The following FMR1 variants were observed in gnomAD, a reference collection of about 807,000 sequenced individuals.
The protein encoded by FMR1 is fragile X messenger ribonucleoprotein 1.
In FMR1, 13 loss-of-function variants were observed where a neutral mutation model predicts 50.6. The observed-to-expected ratio is 0.26, with a 90% confidence interval of 0.17 to 0.41. The LOEUF (loss-of-function observed/expected upper bound fraction) is 0.41. Among genes scored for constraint, FMR1 ranks in the 10% least tolerant of loss-of-function variants. The pLI is 1.00. For missense variants in FMR1, 316 were observed against 491.3 expected (o/e 0.64, Z 3.37); for synonymous variants, 138 against 164.1 (o/e 0.84, Z 1.22).
At chrX:147,932,389 A>T (rs1346319585) in intron 7 of FMR1, 36 bp from the exon 8 acceptor site, 1 of 1,182,191 alleles carries the variant, frequency 8.5e-7, no homozygotes, top group African/African-American at 1.7e-5. Flanking sequence ...GTAATAGTTG[A>T]TAAAGTGTAT....
rs193922936 is a variant in FMR1, at chrX:147,912,049, CGCGGCGGCGGCG to C, written c.-111_-100del. 4.1e-4 allele frequency: 17 copies of C among 41,495 alleles called. No individual in the cohort carries two copies. The highest frequency in any genetic ancestry group is 5.1e-4 in the African/African-American group (5 of 9,773). 3.4% of individuals were successfully genotyped at this position (41,495 alleles called of 1,213,427 possible). ...GCCGCTGCCAGGGGGCGTGCGGCAG[CGCGGCGGCGGCG>C]GCGGCGGCGGCGGCGGCGGAGGCGG... On this transcript the variant is annotated 5_prime_UTR_variant, in exon 1 of 17. Transcript: ENST00000370475.
intron 10 of FMR1, 131 bp downstream of exon 10, chrX:147,936,744 A>T (rs1694226339): frequency 2.0e-6 from 1 of 492,076 alleles, no homozygotes; most frequent in Non-Finnish European, 3.7e-6. Context: ...GCCTGCTGTA[A>T]TTAATGTTAT....
In FMR1 at chrX:147,920,840, G is replaced by T. The variant is rs782446756; in HGVS notation, c.52-1093G>T. Among the ~76,000 whole-genome samples, 6 of 112,045 alleles carry T rather than the reference G, an allele frequency of 5.4e-5. No homozygotes were observed. The South Asian group carries it at 2.2e-3, about 42-fold the overall frequency. ...TAAGAGATAGCTATGTAAAAAGAGG[G>T]GAAGGACAATAGGAAAGAAGGAATG... On this transcript the variant is annotated intron_variant, in intron 1 of 16. Coordinates refer to ENST00000370475, the MANE Select transcript of FMR1 (RefSeq NM_002024.6).
chrX:147,933,719 A>G (rs1431066048), intron 9 of FMR1: 2 of 640,345 alleles, frequency 3.1e-6, no homozygotes, highest in Non-Finnish European at 3.8e-6. Context: ...ACTTGAGATC[A>G]TGGCCATTTT....
Position 147,949,089 on chromosome X carries a change from A to G in FMR1, c.*245A>G. ...AAAACTACTTAGCACTTCAGGGCAG[A>G]TTTTAGTTTTATTTTCTAAAGTACT... On this transcript the variant is annotated 3_prime_UTR_variant, in exon 17 of 17. Transcript: ENST00000370475. The G allele has an allele frequency of 2.1e-6, 1 of 470,319 alleles. No homozygotes were observed. Among genetic ancestry groups the G allele is most frequent in the Non-Finnish European group, 3.8e-6 (1 of 260,231 alleles). The allele number at this position is 470,319 out of a possible 1,213,427, so 38.8% of individuals were successfully genotyped here. A position where few individuals can be genotyped will look rare whatever the true frequency, so the allele number is the denominator to read the frequency against.
chrX:147,921,783 A>C, intron 1 of FMR1, 150 bp from the exon 2 acceptor site: 2 of 455,412 alleles, frequency 4.4e-6, no homozygotes, highest in Non-Finnish European at 7.9e-6. Flanking sequence ...GATGTGCTTA[A>C]TGAATAAAAT....
At chrX:147,935,633 C>A (rs1328355875) in intron 9 of FMR1, among the ~76,000 whole-genome samples, 1 of 111,611 alleles carries the variant, frequency 9.0e-6, no homozygotes, top group East Asian at 2.8e-4. Flanking sequence ...CTTTACCACT[C>A]GTGTCATGAT....
At chrX:147,933,473 G>T in intron 9 of FMR1, 1 of 969,586 alleles carries the variant, frequency 1.0e-6, no homozygotes, top group South Asian at 3.7e-5. Context: ...GATGTCTCTG[G>T]GACTTTCTGC....
rs1557183044 is a variant in FMR1 at position 147,949,685 on chromosome X, G to C, written c.*841G>C. The C allele has an allele frequency of 3.0e-6, 1 of 329,467 alleles. No homozygotes were observed. Among genetic ancestry groups the C allele is most frequent in the Admixed American group, 3.1e-5 (1 of 32,248 alleles). The allele number at this position is 329,467 out of a possible 1,213,427, so 27.2% of individuals were successfully genotyped here. ...GGAGAAGAAAGAACTATCTTCATCT[G>C]AGAGAGGCTAAAATGTTTTCAGCTA... On this transcript the variant is annotated 3_prime_UTR_variant, in exon 17 of 17. Coordinates refer to ENST00000370475, the MANE Select transcript of FMR1 (RefSeq NM_002024.6).
chrX:147,940,187 GA>G (rs1246432591), intron 12 of FMR1: 106 of 74,132 alleles, frequency 1.4e-3, no homozygotes, highest in South Asian at 2.5e-3. Flanking sequence ...AAACAAAAAA[GA>G]AAAAAAAAAA....
chrX:147,928,959 G>A (rs2043487064), intron 5 of FMR1, 152 bp downstream of exon 5: 2 of 562,599 alleles, frequency 3.6e-6, no homozygotes, highest in Non-Finnish European at 5.8e-6. Flanking sequence ...CAAGAGCAAT[G>A]GAGAAAAAAC....
intron 12 of FMR1, 26 bp downstream of exon 12, chrX:147,938,187 C>T (rs1844101650): frequency 9.2e-6 from 10 of 1,086,765 alleles, no homozygotes; most frequent in South Asian, 1.8e-5. Flanking sequence ...TTGAGAAATA[C>T]ACTTTCAGTT....
chrX:147,943,351 T>C, intron 14 of FMR1, 25 bp downstream of exon 14: 1 of 1,131,003 alleles, frequency 8.8e-7, no homozygotes, highest in Non-Finnish European at 1.2e-6. Context: ...TTTTACTCAG[T>C]AACTTTATCT....
At chrX:147,928,486 A>G (rs917059893) in intron 4 of FMR1, 93 bp downstream of exon 4, 18 of 794,830 alleles carry the variant, frequency 2.3e-5, no homozygotes, top group Admixed American at 7.6e-5. Context: ...ATTTTGAAGT[A>G]ATATCTAATT....
Position 147,912,024 on chromosome X carries a change from G to C in FMR1, c.-156G>C, listed in dbSNP as rs1557173752. The C allele has an allele frequency of 3.2e-5, 1 of 31,612 alleles. No individual in the cohort carries two copies. The allele number at this position is 31,612 out of a possible 1,213,427, so 2.6% of individuals were successfully genotyped here. A position where few individuals can be genotyped will look rare whatever the true frequency, so the allele number is the denominator to read the frequency against. On this transcript the variant is annotated 5_prime_UTR_variant, in exon 1 of 17. Coordinates refer to ENST00000370475, the MANE Select transcript of FMR1 (RefSeq NM_002024.6). ...CGCGGGCGGCGGCGGTGACGGAGGC[G>C]CCGCTGCCAGGGGGCGTGCGGCAGC...
intron 13 of FMR1, among the ~76,000 whole-genome samples, chrX:147,941,314 C>T (rs1286758604): frequency 1.8e-5 from 2 of 111,808 alleles, no homozygotes; most frequent in African/African-American, 6.5e-5. Context: ...CAAGTCACTT[C>T]CCTACACTAG....
Position 147,928,688 on chromosome X carries a change from T to G in FMR1, c.300T>G (p.Asp100Glu), listed in dbSNP as rs1569545558. 3 of 1,206,049 alleles carry G rather than the reference T, an allele frequency of 2.5e-6. No individual in the cohort carries two copies. ...ATGTGATAGAATATGCAGCATGTGATGCAACTTACAATGAAATTGTCACAA... is the reference window on the plus strand; with the variant it reads ...ATGTGATAGAATATGCAGCATGTGAGGCAACTTACAATGAAATTGTCACAA... ...EFYVIEYAACDATYNEIVTIE... is the reference protein window; with the variant it reads ...EFYVIEYAACEATYNEIVTIE... Residue 100 changes from aspartate (D) to glutamate (E), a missense_variant, in exon 5 of 17, where the codon GAT (aspartate) becomes GAG (glutamate). Asp to Glu is a conservative substitution (Grantham distance 45). Coordinates refer to ENST00000370475, the MANE Select transcript of FMR1 (RefSeq NM_002024.6).
At position 147,921,887 on chromosome X, in the gene FMR1, A is replaced by C. The variant is rs1557176554; in HGVS notation, c.52-46A>C. On this transcript the variant is annotated intron_variant, in intron 1 of 16. Transcript: ENST00000370475. ...CTGTAAAATTTAACTAAAAACAAAA[A>C]CTATCTTTAAGCTCACAAGTTAATT... The C allele has an allele frequency of 5.6e-6, 5 of 888,279 alleles. No individual in the cohort carries two copies. In the Admixed American group the frequency reaches 1.1e-4, roughly 20 times the overall value. 73.2% of individuals were successfully genotyped at this position (888,279 alleles called of 1,213,427 possible).
chrX:147,928,429 T>C (rs782283130), intron 4 of FMR1, 36 bp downstream of exon 4: 22 of 1,086,194 alleles, frequency 2.0e-5, no homozygotes, highest in African/African-American at 3.7e-5. Flanking sequence ...TTTCTTATAT[T>C]GTTTCCTTTT....
Sources: gnomAD v4.1 joint callset for allele counts (sites outside exome capture counted in the v4.1 genomes callset) on GRCh38, gnomAD v4.1.1 for gene constraint, MANE v1.5 for transcripts, NCBI Gene and HGNC (gene_info 2026-07-23, HGNC 2026-07-21) for gene names.